Variants in CLSTN2 observed in about 807,000 individuals in gnomAD.
The protein encoded by CLSTN2 is calsyntenin-2.
In CLSTN2, 48 loss-of-function variants were observed where a neutral mutation model predicts 101.2. The ratio of observed to expected loss-of-function variants is 0.47; its 90% confidence interval spans 0.38 to 0.60. CLSTN2 has a LOEUF of 0.60. Among genes scored for constraint, CLSTN2 ranks in the 20% least tolerant of loss-of-function variants. CLSTN2 has a pLI of 0.00. For synonymous variants in CLSTN2, 481 were observed against 463.6 expected, an observed-to-expected ratio of 1.04 and a Z score of -0.48; for missense variants, 1,160 against 1,238.2, an observed-to-expected ratio of 0.94 and a Z score of 0.95.
In CLSTN2 at chr3:139,941,859, G is replaced by A. The variant is rs115433555; in HGVS notation, c.109+6376G>A. ...TTATTGAGTTCATACTATGTGCCAAGCACTATCTTGAAGCACTTCACATAT... is the reference window on the plus strand; with the variant it reads ...TTATTGAGTTCATACTATGTGCCAAACACTATCTTGAAGCACTTCACATAT... On this transcript the variant is annotated intron_variant, in intron 1 of 16. Coordinates refer to ENST00000458420, the MANE Select transcript of CLSTN2 (RefSeq NM_022131.3). Among the ~76,000 whole-genome samples the A allele has an allele frequency of 4.3e-3, 656 of 152,328 alleles. 2 individuals are homozygous for A. The highest frequency in any genetic ancestry group is 0.015 in the African/African-American group (631 of 41,564).
chr3:140,385,520 C>A (rs980654439), intron 2 of CLSTN2, among the ~76,000 whole-genome samples: 1 of 151,848 alleles, frequency 6.6e-6, no homozygotes, highest in Admixed American at 6.6e-5. Flanking sequence ...AGGTGCCCAC[C>A]ACCACGCCTG....
At chr3:140,452,043 T>G (rs1344386876) in intron 6 of CLSTN2, among the ~76,000 whole-genome samples, 1 of 151,850 alleles carries the variant, frequency 6.6e-6, no homozygotes, top group African/African-American at 2.4e-5. Context: ...CTGTCAGGAG[T>G]AAGAAAGGAT....
At chr3:140,021,969 G>A (rs2007327706) in intron 1 of CLSTN2, among the ~76,000 whole-genome samples, 1 of 152,184 alleles carries the variant, frequency 6.6e-6, no homozygotes, top group South Asian at 2.1e-4. Flanking sequence ...ACAGAACTGG[G>A]ACCTGGGCAC....
intron 2 of CLSTN2, among the ~76,000 whole-genome samples, chr3:140,364,254 C>A (rs1010029512): frequency 6.6e-6 from 1 of 152,094 alleles, no homozygotes; most frequent in African/African-American, 2.4e-5. Context: ...CTGGAGGGGA[C>A]CCTGGAGGTC....
chr3:140,305,926 T>C (rs2087110029), intron 2 of CLSTN2, among the ~76,000 whole-genome samples: 1 of 152,212 alleles, frequency 6.6e-6, no homozygotes, highest in Non-Finnish European at 1.5e-5. Context: ...CAAGTATTTT[T>C]GCAGTGAACA....
At chr3:139,937,076 T>G (rs1436506268) in intron 1 of CLSTN2, among the ~76,000 whole-genome samples, 2 of 151,550 alleles carry the variant, frequency 1.3e-5, no homozygotes, top group Non-Finnish European at 2.9e-5. Context: ...ATATAGACAC[T>G]TTGTTAAACA....
At chr3:140,531,823 G>C (rs1182817109) in intron 8 of CLSTN2, among the ~76,000 whole-genome samples, 2 of 152,166 alleles carry the variant, frequency 1.3e-5, no homozygotes, top group Non-Finnish European at 2.9e-5. Context: ...GTAGCCCTGG[G>C]CACTTGTGGT....
intron 5 of CLSTN2, among the ~76,000 whole-genome samples, chr3:140,426,724 A>G (rs933133264): frequency 2.0e-5 from 3 of 152,204 alleles, no homozygotes. Flanking sequence ...ACCTGATGTT[A>G]TATGGGGCCC....
intron 2 of CLSTN2, among the ~76,000 whole-genome samples, chr3:140,334,260 A>G (rs2087419635): frequency 6.6e-6 from 1 of 152,208 alleles, no homozygotes. Flanking sequence ...CTTATCATCC[A>G]TTACAGAAAA....
chr3:140,485,055 GT>G (rs1472850873), intron 8 of CLSTN2, among the ~76,000 whole-genome samples: 1 of 152,138 alleles, frequency 6.6e-6, no homozygotes, highest in African/African-American at 2.4e-5. Flanking sequence ...AGAGTTTCCA[GT>G]TTTTGTGCTC....
In CLSTN2 at chr3:140,404,747, T is replaced by C. The variant is rs111391920; in HGVS notation, c.618T>C (p.Pro206=). ...ATGAAATCGTCACCACAGATGTGCC[T>C]TTTGCCATCGACAGAAATGGTGAGT... ...CNYEIVTTDV[P]FAIDRNGNIR... The change falls in exon 4 of 17, where the codon CCT becomes CCC. Residue 206 remains proline (P), a synonymous_variant. Coordinates refer to ENST00000458420, the MANE Select transcript of CLSTN2 (RefSeq NM_022131.3). The C allele has an allele frequency of 2.1e-5, 34 of 1,614,086 alleles. No homozygotes were observed. In the African/African-American group the frequency reaches 3.2e-4, roughly 15 times the overall value.
chr3:140,419,494 A>AT (rs1553741989), intron 4 of CLSTN2, among the ~76,000 whole-genome samples: 785 of 55,008 alleles, frequency 0.014, 180 homozygotes, highest in Admixed American at 0.018. Context: ...AAAAAAAAAA[A>AT]ATATATATAT....
At chr3:140,085,125 G>C (rs186941896) in intron 1 of CLSTN2, among the ~76,000 whole-genome samples, 248 of 152,262 alleles carry the variant, frequency 1.6e-3, no homozygotes, top group African/African-American at 5.7e-3. Flanking sequence ...TTAATTGAGG[G>C]TTGATTTTGT....
At chr3:140,252,193 A>G (rs1016050163) in intron 2 of CLSTN2, among the ~76,000 whole-genome samples, 2 of 152,240 alleles carry the variant, frequency 1.3e-5, no homozygotes, top group Admixed American at 6.5e-5. Context: ...TTTTGGAAAC[A>G]AAAGTAAGGG....
chr3:140,383,489 AC>A (rs1186310190), intron 2 of CLSTN2, among the ~76,000 whole-genome samples: 1 of 152,236 alleles, frequency 6.6e-6, no homozygotes, highest in Non-Finnish European at 1.5e-5. Flanking sequence ...GCAAAAACAT[AC>A]CATGCAGACT....
At chr3:140,459,055 G>T (rs1325327539) in intron 6 of CLSTN2, among the ~76,000 whole-genome samples, 2 of 152,130 alleles carry the variant, frequency 1.3e-5, no homozygotes, top group Non-Finnish European at 2.9e-5. Context: ...CAACTTGCTG[G>T]CTCTGAACTG....
Position 140,556,614 on chromosome 3 carries a change from G to T in CLSTN2, c.1776G>T (p.Gln592His). The T allele has an allele frequency of 6.2e-7, 1 of 1,614,080 alleles. No individual in the cohort carries two copies. The highest frequency in any genetic ancestry group is 8.5e-7 in the Non-Finnish European group (1 of 1,179,982). Reference protein sequence around the residue: ...LQKVSYINSRQFPTAGVRRLK... With the variant: ...LQKVSYINSRHFPTAGVRRLK... ...AAGTCTCCTACATCAACTCCAGGCA[G>T]TTCCCAACGGCGGGTGTGCGGCGCC... Residue 592 changes from glutamine (Q) to histidine (H), a missense_variant, in exon 11 of 17, where the codon CAG (glutamine) becomes CAT (histidine). Physicochemically the swap from Gln to His is conservative, Grantham distance 24. Transcript: ENST00000458420.
chr3:140,547,874 C>T (rs1344395605), intron 10 of CLSTN2, among the ~76,000 whole-genome samples: 2 of 152,232 alleles, frequency 1.3e-5, no homozygotes, highest in East Asian at 1.9e-4. Flanking sequence ...GCCTGTGCCT[C>T]CTGGAGCACA....
chr3:140,369,678 G>T (rs968264150), intron 2 of CLSTN2, among the ~76,000 whole-genome samples: 1 of 152,268 alleles, frequency 6.6e-6, no homozygotes, highest in South Asian at 2.1e-4. Context: ...CAAACATGCT[G>T]CTCCTGTGGC....
Sources: gnomAD v4.1 joint callset for allele counts (sites outside exome capture counted in the v4.1 genomes callset) on GRCh38, gnomAD v4.1.1 for gene constraint, MANE v1.5 for transcripts, NCBI Gene and HGNC (gene_info 2026-07-23, HGNC 2026-07-21) for gene names.